ROR2: variants seen among roughly 807,000 people sequenced by gnomAD.
ROR2 encodes ROR family WNT receptor 2.
Under a neutral mutation model 74.9 loss-of-function variants are expected in ROR2, and 33 were observed. That is an observed-to-expected ratio of 0.44 (90% CI 0.33 to 0.59). The LOEUF (loss-of-function observed/expected upper bound fraction) is 0.59, where lower values mean the gene tolerates loss of function less well. Among genes scored for constraint, ROR2 ranks in the 20% least tolerant of loss-of-function variants. The pLI, the probability that ROR2 is intolerant of heterozygous loss-of-function variation, is 0.02. For synonymous variants in ROR2, 586 were observed against 558.7 expected, an observed-to-expected ratio of 1.05 and a Z score of -0.69; for missense variants, 1,216 against 1,313.8, an observed-to-expected ratio of 0.93 and a Z score of 1.15.
At chr9:91,881,370 A>G (rs975589986) in intron 1 of ROR2, among the ~76,000 whole-genome samples, 17 of 152,240 alleles carry the variant, frequency 1.1e-4, no homozygotes, top group Non-Finnish European at 1.6e-4. Context: ...CTCACTTGAC[A>G]TCATTGATAA....
At chr9:91,852,372 A>G (rs566096323) in intron 1 of ROR2, among the ~76,000 whole-genome samples, 169 of 152,332 alleles carry the variant, frequency 1.1e-3, no homozygotes, top group African/African-American at 3.7e-3. Flanking sequence ...ATATCCAATA[A>G]ACTCATGTGG....
At chr9:91,787,361 A>G (rs112959888) in intron 1 of ROR2, among the ~76,000 whole-genome samples, 4,137 of 152,190 alleles carry the variant, frequency 0.027, 118 homozygotes, top group Admixed American at 0.098. Context: ...AAATACAAAA[A>G]TTAGCCATGA....
At chr9:91,837,168 T>G (rs201359978) in intron 1 of ROR2, among the ~76,000 whole-genome samples, 40 of 152,362 alleles carry the variant, frequency 2.6e-4, no homozygotes, top group South Asian at 8.3e-4. Flanking sequence ...TGTTGTTGTT[T>G]TTTGAGATGG....
chr9:91,820,791 C>T (rs945744138), intron 1 of ROR2, among the ~76,000 whole-genome samples: 1 of 152,118 alleles, frequency 6.6e-6, no homozygotes, highest in African/African-American at 2.4e-5. Context: ...TCCACTATGA[C>T]CCATGGCTTT....
At chr9:91,725,568 C>T (rs1462223563) in intron 8 of ROR2, among the ~76,000 whole-genome samples, 1 of 152,218 alleles carries the variant, frequency 6.6e-6, no homozygotes, top group Non-Finnish European at 1.5e-5. Flanking sequence ...AGAGGCTTTC[C>T]CACGACATTT....
At chr9:91,787,033 G>T (rs1826825977) in intron 1 of ROR2, among the ~76,000 whole-genome samples, 1 of 152,150 alleles carries the variant, frequency 6.6e-6, no homozygotes, top group African/African-American at 2.4e-5. Flanking sequence ...GGAAATGAAA[G>T]CTGAAGCCGT....
intron 1 of ROR2, among the ~76,000 whole-genome samples, chr9:91,915,989 G>C (rs1291886245): frequency 6.6e-6 from 1 of 152,184 alleles, no homozygotes; most frequent in Non-Finnish European, 1.5e-5. Context: ...CTTAGGCTCT[G>C]GCAGGATCTA....
intron 1 of ROR2, among the ~76,000 whole-genome samples, chr9:91,845,808 G>A (rs1446385484): frequency 2.1e-5 from 3 of 146,242 alleles, no homozygotes; most frequent in Admixed American, 6.9e-5. Flanking sequence ...AACCCAGGAG[G>A]TGGAGGTTGC....
chr9:91,899,548 C>A (rs1445219510), intron 1 of ROR2, among the ~76,000 whole-genome samples: 1 of 152,140 alleles, frequency 6.6e-6, no homozygotes, highest in African/African-American at 2.4e-5. Flanking sequence ...AAAAGGTCTG[C>A]TTAAGAGCTG....
intron 1 of ROR2, among the ~76,000 whole-genome samples, chr9:91,817,170 C>A (rs553672097): frequency 2.0e-5 from 3 of 152,138 alleles, no homozygotes; most frequent in Non-Finnish European, 1.5e-5. Flanking sequence ...GCTGGTGAGG[C>A]GGTTGGCTTG....
chr9:91,877,593 G>A (rs1169147859), intron 1 of ROR2, among the ~76,000 whole-genome samples: 1 of 152,220 alleles, frequency 6.6e-6, no homozygotes, highest in African/African-American at 2.4e-5. Context: ...GGTGTTGCCA[G>A]ACAACAATTA....
intron 1 of ROR2, among the ~76,000 whole-genome samples, chr9:91,904,656 C>A (rs549691670): frequency 1.2e-4 from 18 of 152,280 alleles, no homozygotes; most frequent in African/African-American, 4.1e-4. Context: ...TGGCAGGCAG[C>A]AAGACACACA....
At chr9:91,784,282 C>T (rs3935382) in intron 1 of ROR2, among the ~76,000 whole-genome samples, 47,919 of 152,100 alleles carry the variant, frequency 0.32, 11,063 homozygotes, top group African/African-American at 0.65. Flanking sequence ...GCTCTATCTG[C>T]AGAATGTATC....
rs770190188 is a variant in ROR2 at position 91,724,495 on chromosome 9, C to T, written c.1999G>A (p.Gly667Ser). The change falls in exon 9 of 9, where the codon GGC (glycine) becomes AGC (serine). Residue 667 changes from glycine to serine, a missense_variant. By Grantham distance (56) the Gly-to-Ser change is moderately conservative. Transcript: ENST00000375708. ...RWMAPEAIMY[G>S]KFSIDSDIWS... Reference sequence around the variant, plus strand: ...ATGTCTGAGTCGATGGAGAACTTGCCGTACATGATGGCCTCTGGGGCCATC... The same window carrying T: ...ATGTCTGAGTCGATGGAGAACTTGCTGTACATGATGGCCTCTGGGGCCATC... 73 of 1,614,190 alleles carry T rather than the reference C, an allele frequency of 4.5e-5. No individual in the cohort carries two copies. Among genetic ancestry groups the T allele is most frequent in the Admixed American group, 5.0e-5 (3 of 60,026 alleles).
Position 91,824,423 on chromosome 9 carries a change from C to T in ROR2, c.98-48605G>A, listed in dbSNP as rs537037633. ...TCCCAGTGAAGTGGGCACTAAACCT[C>T]ACTAACAGGTAGGAATGTGCACACG... On this transcript the variant is annotated intron_variant, in intron 1 of 8. Transcript: ENST00000375708. Among the ~76,000 whole-genome samples the T allele has an allele frequency of 1.8e-4, 27 of 152,326 alleles. 1 individual carries two copies. The East Asian group carries it at 5.2e-3, about 29-fold the overall frequency.
intron 4 of ROR2, among the ~76,000 whole-genome samples, chr9:91,748,255 C>T (rs1026276312): frequency 2.0e-4 from 30 of 148,518 alleles, no homozygotes; most frequent in East Asian, 3.9e-4. Flanking sequence ...CCAGCCTGGG[C>T]GAAAAAGCGA....
At chr9:91,908,692 A>G (rs1453383129) in intron 1 of ROR2, among the ~76,000 whole-genome samples, 1 of 152,344 alleles carries the variant, frequency 6.6e-6, no homozygotes, top group East Asian at 1.9e-4. Flanking sequence ...ATTGATACTA[A>G]TAACAAATAA....
chr9:91,851,384 GA>G (rs1382487051), intron 1 of ROR2, among the ~76,000 whole-genome samples: 2 of 150,856 alleles, frequency 1.3e-5, no homozygotes, highest in African/African-American at 4.9e-5. Flanking sequence ...AAAAGAAAAA[GA>G]AAAAAAATTC....
chr9:91,931,257 G>A (rs540145418), intron 1 of ROR2, among the ~76,000 whole-genome samples: 5 of 152,250 alleles, frequency 3.3e-5, no homozygotes, highest in African/African-American at 1.2e-4. Context: ...AAATGGCAAC[G>A]ATGTACCAGG....
Sources: allele counts gnomAD v4.1 joint callset (sites outside exome capture counted in the v4.1 genomes callset), GRCh38; gene constraint gnomAD v4.1.1; transcripts MANE v1.5; gene names NCBI Gene and HGNC (gene_info 2026-07-23, HGNC 2026-07-21).